The following ABR variants were observed in gnomAD, a reference collection of about 807,000 sequenced individuals.
The protein encoded by ABR is active breakpoint cluster region-related protein.
ABR carries 35 observed loss-of-function variants against 107.2 expected under a neutral mutation model. The observed-to-expected ratio is 0.33, with a 90% CI of 0.25 to 0.43. ABR has a LOEUF of 0.43. Among genes scored for constraint, ABR ranks in the 20% least tolerant of loss-of-function variants. The pLI, the probability that ABR is intolerant of heterozygous loss-of-function variation, is 1.00. For missense variants in ABR, 815 were observed against 1,115.2 expected (o/e 0.73, Z 3.83); for synonymous variants, 498 against 462.0 (o/e 1.08, Z -1.00).
intron 6 of ABR, 182 bp downstream of exon 6, chr17:1,079,148 G>A: frequency 6.9e-7 from 1 of 1,443,490 alleles, no homozygotes; most frequent in South Asian, 1.4e-5. Context: ...CACGAGGCTA[G>A]AGTCCTCGCG....
intron 1 of ABR, among the ~76,000 whole-genome samples, chr17:1,147,265 A>G (rs1362549323): frequency 6.6e-6 from 1 of 151,958 alleles, no homozygotes; most frequent in East Asian, 1.9e-4. Context: ...GACCACGGGG[A>G]GCAGAGCCCC....
rs544633800 is a variant in ABR, at chr17:1,025,949, C to T, written c.1792-12785G>A. On this transcript the variant is annotated intron_variant, in intron 16 of 22. Coordinates refer to ENST00000302538, the MANE Select transcript of ABR (RefSeq NM_021962.5). ...GGAAGGAGGTGACAATGGCTCCCCG[C>T]CGGGGCTGCTTCAGGACAGGGCTCA... Among the ~76,000 whole-genome samples, 79 of 152,316 alleles carry T rather than the reference C, an allele frequency of 5.2e-4. 1 individual carries two copies. Among genetic ancestry groups the T allele is most frequent in the African/African-American group, 1.5e-3 (64 of 41,580 alleles).
At chr17:1,049,459 C>T (rs2032187264) in intron 16 of ABR, among the ~76,000 whole-genome samples, 1 of 152,174 alleles carries the variant, frequency 6.6e-6, no homozygotes, top group South Asian at 2.1e-4. Flanking sequence ...AGCCACCGCA[C>T]CCAGAAGCAT....
At chr17:1,159,025 G>A (rs1277897660) in intron 1 of ABR, among the ~76,000 whole-genome samples, 1 of 152,202 alleles carries the variant, frequency 6.6e-6, no homozygotes, top group Non-Finnish European at 1.5e-5. Context: ...TTCGTGCCTT[G>A]GACCCACAGC....
Position 1,051,298 on chromosome 17 carries a change from G to A in ABR, c.1562-664C>T, listed in dbSNP as rs934145782. ...CGACGTAAACACCATGTGGAGAGAAGCCTGGGTTTTCCTGCCTGCCGGTGT... is the reference window on the plus strand; with the variant it reads ...CGACGTAAACACCATGTGGAGAGAAACCTGGGTTTTCCTGCCTGCCGGTGT... On this transcript the variant is annotated intron_variant, in intron 14 of 22. Coordinates refer to ENST00000302538, the MANE Select transcript of ABR (RefSeq NM_021962.5). The surrounding 1 kb of genome is among the most constrained non-coding windows in gnomAD (Gnocchi z 4.3). Among the ~76,000 whole-genome samples the A allele has an allele frequency of 5.3e-5, 8 of 152,184 alleles. No homozygotes were observed. The highest frequency in any genetic ancestry group is 1.0e-4 in the Non-Finnish European group (7 of 68,034).
At chr17:1,106,887 C>A (rs761203473) in intron 2 of ABR, among the ~76,000 whole-genome samples, 1 of 152,226 alleles carries the variant, frequency 6.6e-6, no homozygotes, top group African/African-American at 2.4e-5. Flanking sequence ...TTGCTCTGAA[C>A]GCCTTGTGAG....
chr17:1,024,096 G>C (rs1019998030), intron 16 of ABR, among the ~76,000 whole-genome samples: 2 of 147,638 alleles, frequency 1.4e-5, no homozygotes, highest in Non-Finnish European at 3.0e-5. Flanking sequence ...CTCCCTGCCC[G>C]GGCCCAGAAC....
chr17:1,094,222 T>C (rs1383696419), intron 3 of ABR, among the ~76,000 whole-genome samples: 1 of 152,182 alleles, frequency 6.6e-6, no homozygotes, highest in Non-Finnish European at 1.5e-5. Context: ...AGGGTGGGCT[T>C]GAGTCGCAGC....
chr17:1,218,197 C>A (rs903722899), intron 1 of ABR, among the ~76,000 whole-genome samples: 1 of 152,180 alleles, frequency 6.6e-6, no homozygotes, highest in African/African-American at 2.4e-5. Flanking sequence ...AAGTGAGGTA[C>A]AATGATCCCC....
chr17:1,191,358 T>TC (rs1230585080), upstream of ABR, among the ~76,000 whole-genome samples: 16 of 138,600 alleles, frequency 1.2e-4, no homozygotes, highest in Non-Finnish European at 1.6e-4. Context: ...TCTTTTCTTT[T>TC]TTTTTTTTTT....
Position 1,219,062 on chromosome 17 carries a change from T to TTTGTTTGTTTGTTTGA in ABR, c.838+9730_838+9731insTCAAACAAACAAACAA, listed in dbSNP as rs57849007. 3.5e-5 allele frequency among the ~76,000 whole-genome samples: 5 copies of TTTGTTTGTTTGTTTGA among 143,786 alleles called. 1 individual carries two copies. Among genetic ancestry groups the TTTGTTTGTTTGTTTGA allele is most frequent in the African/African-American group, 1.3e-4 (5 of 39,136 alleles). The allele number at this position is 143,786 out of a possible 152,430, so 94.3% of individuals were successfully genotyped here. ...GTTTGTTTGTTTGTTTGTTTGTTTG[T>TTTGTTTGTTTGTTTGA]AACAGAGTCTCACTCTGTTGTCCAG... On this transcript the variant is annotated intron_variant, in intron 1 of 22. Transcript: ENST00000574139.
At chr17:1,080,221 C>G (rs926527747) in intron 5 of ABR, among the ~76,000 whole-genome samples, 4 of 152,090 alleles carry the variant, frequency 2.6e-5, no homozygotes, top group African/African-American at 7.2e-5. Context: ...TTACTCAGCC[C>G]CCAGCACCCC....
At chr17:1,103,432 G>A (rs1046712825) in intron 2 of ABR, among the ~76,000 whole-genome samples, 11 of 152,156 alleles carry the variant, frequency 7.2e-5, no homozygotes, top group African/African-American at 2.4e-4. Flanking sequence ...ACTCCCTCCT[G>A]TTCCCTGCCA....
chr17:1,185,662 A>ATAAAAT (rs1229609996), intron 1 of ABR, among the ~76,000 whole-genome samples: 21 of 147,916 alleles, frequency 1.4e-4, no homozygotes, highest in African/African-American at 5.2e-4. Context: ...AATAAAAAAA[A>ATAAAAT]AAAAAAAAAA....
Position 1,101,955 on chromosome 17 carries a change from G to T in ABR, c.247-1220C>A, listed in dbSNP as rs192047086. 3.5e-3 allele frequency among the ~76,000 whole-genome samples: 539 copies of T among 152,084 alleles called. 21 individuals carry two copies. The East Asian group carries it at 0.083, about 24-fold the overall frequency. Reference sequence around the variant, plus strand: ...TCACCGTGTTAGCCAGGATGGTCTCGATCTCCTGACCTCGTGATCCGCCCG... The same window carrying T: ...TCACCGTGTTAGCCAGGATGGTCTCTATCTCCTGACCTCGTGATCCGCCCG... On this transcript the variant is annotated intron_variant, in intron 2 of 22. Transcript: ENST00000302538.
intron 5 of ABR, among the ~76,000 whole-genome samples, chr17:1,082,184 T>C (rs781755221): frequency 6.6e-6 from 1 of 152,036 alleles, no homozygotes; most frequent in African/African-American, 2.4e-5. Flanking sequence ...CTTCTCCCCT[T>C]TTCTAGGATG....
At chr17:1,033,896 C>G (rs2072984557) in intron 16 of ABR, among the ~76,000 whole-genome samples, 1 of 152,054 alleles carries the variant, frequency 6.6e-6, no homozygotes. Context: ...CCCCTTCACA[C>G]AGCCACAAAG....
At chr17:1,113,208 G>C (rs1457828365) in intron 2 of ABR, among the ~76,000 whole-genome samples, 1 of 151,944 alleles carries the variant, frequency 6.6e-6, no homozygotes, top group Non-Finnish European at 1.5e-5. Flanking sequence ...CTGGGGAGGG[G>C]AGCAGTGTCA....
intron 1 of ABR, among the ~76,000 whole-genome samples, chr17:1,218,208 A>G (rs1000699065): frequency 6.6e-6 from 1 of 152,118 alleles, no homozygotes; most frequent in Admixed American, 6.5e-5. Context: ...AATGATCCCC[A>G]TTGTATAGAA....
Sources: gnomAD v4.1 joint callset for allele counts (sites outside exome capture counted in the v4.1 genomes callset) on GRCh38, gnomAD v4.1.1 for gene constraint, Gnocchi (gnomAD v3.1) non-coding constraint, MANE v1.5 for transcripts, NCBI Gene and HGNC (gene_info 2026-07-23, HGNC 2026-07-21) for gene names.